Variants in SAMD12 observed in about 807,000 individuals in gnomAD.
The protein encoded by SAMD12 is sterile alpha motif domain containing 12, also known as sterile alpha motif domain-containing protein 12.
In SAMD12, 9 loss-of-function variants were observed where a neutral mutation model predicts 15.0. That is an observed-to-expected ratio of 0.60 (90% confidence interval 0.36 to 1.05). The LOEUF (loss-of-function observed/expected upper bound fraction) is 1.05. SAMD12 is among the 50% of genes least tolerant of loss of function. The probability of loss-of-function intolerance (pLI) is 0.01; values close to 1 mark genes in which losing one functional copy is unlikely to be tolerated. For synonymous variants in SAMD12, 86 were observed against 90.1 expected (o/e 0.96, Z 0.25); for missense variants, 230 against 234.2 (o/e 0.98, Z 0.12).
rs185262080 is a variant in SAMD12, at chr8:118,485,348, A to C, written c.193-45387T>G. On this transcript the variant is annotated intron_variant, in intron 2 of 3. Coordinates refer to ENST00000314727, the MANE Select transcript of SAMD12 (RefSeq NM_207506.3). ...ATACACTTTTCTCCTGCAAATGACA[A>C]AGGTGGAAGAGATGGGGGAAGGAGG... is the stretch of plus-strand genomic sequence containing the variant. 2.1e-3 allele frequency among the ~76,000 whole-genome samples: 326 copies of C among 152,310 alleles called. 4 individuals carry two copies. Among genetic ancestry groups the C allele is most frequent in the Admixed American group, 0.019 (287 of 15,298 alleles).
At chr8:118,492,122 C>CTTTTTTT (rs543720456) in intron 2 of SAMD12, among the ~76,000 whole-genome samples, 7 of 132,136 alleles carry the variant, frequency 5.3e-5, no homozygotes, top group Non-Finnish European at 8.2e-5. Flanking sequence ...CTGGTGTTGC[C>CTTTTTTT]TTTTTTTTTT....
At chr8:118,555,795 A>T (rs1351254633) in intron 2 of SAMD12, among the ~76,000 whole-genome samples, 3 of 152,246 alleles carry the variant, frequency 2.0e-5, no homozygotes, top group Admixed American at 6.5e-5. Context: ...AAACCATCAG[A>T]AAGTATTTAT....
chr8:118,489,770 G>C (rs190614686), intron 2 of SAMD12, among the ~76,000 whole-genome samples: 36 of 152,162 alleles, frequency 2.4e-4, no homozygotes, highest in African/African-American at 8.2e-4. Flanking sequence ...TGTTATAATG[G>C]CTTCTGTTTT....
intron 2 of SAMD12, among the ~76,000 whole-genome samples, chr8:118,550,480 A>T (rs1826291699): frequency 6.6e-6 from 1 of 152,236 alleles, no homozygotes; most frequent in Non-Finnish European, 1.5e-5. Flanking sequence ...GCAAATGCTG[A>T]GAGATTTTGT....
chr8:118,183,984 T>C, the SAMD12 span, among the ~76,000 whole-genome samples: 1 of 152,160 alleles, frequency 6.6e-6, no homozygotes, highest in Non-Finnish European at 1.5e-5. Flanking sequence ...GAAATGATAA[T>C]ATCCAACAGA....
intron 4 of SAMD12, among the ~76,000 whole-genome samples, chr8:118,301,247 A>T (rs1029173135): frequency 6.6e-6 from 1 of 152,240 alleles, no homozygotes; most frequent in African/African-American, 2.4e-5. Context: ...TGTAGTCAAC[A>T]TGGGGACCTA....
chr8:118,282,637 T>G (rs1156831840), intron 4 of SAMD12, among the ~76,000 whole-genome samples: 9 of 152,176 alleles, frequency 5.9e-5, no homozygotes, highest in Admixed American at 5.9e-4. Flanking sequence ...ACCTCAAATG[T>G]GATTGGAATT....
intron 2 of SAMD12, among the ~76,000 whole-genome samples, chr8:118,470,072 T>C (rs1038921670): frequency 6.6e-6 from 1 of 151,926 alleles, no homozygotes; most frequent in African/African-American, 2.4e-5. Flanking sequence ...AAACTACACA[T>C]GAATATTTCT....
intron 4 of SAMD12, among the ~76,000 whole-genome samples, chr8:118,355,933 G>T (rs190714779): frequency 3.3e-5 from 5 of 152,244 alleles, no homozygotes; most frequent in Admixed American, 6.5e-5. Context: ...TACCCTAAAT[G>T]ATCCCCTCTC....
chr8:118,365,315 T>C (rs1308346564), intron 4 of SAMD12, among the ~76,000 whole-genome samples: 1 of 152,164 alleles, frequency 6.6e-6, no homozygotes, highest in Non-Finnish European at 1.5e-5. Flanking sequence ...TGGTGGAACA[T>C]TATTTCTAGG....
chr8:118,589,653 G>A (rs1450883729), intron 1 of SAMD12, among the ~76,000 whole-genome samples: 1 of 152,290 alleles, frequency 6.6e-6, no homozygotes, highest in Middle Eastern at 3.4e-3. Flanking sequence ...TGATGCTTTA[G>A]ACAAGGGATT....
At chr8:118,586,232 T>A (rs942249846) in intron 1 of SAMD12, among the ~76,000 whole-genome samples, 1 of 152,194 alleles carries the variant, frequency 6.6e-6, no homozygotes, top group African/African-American at 2.4e-5. Context: ...TTTGCATAGA[T>A]AACTGCTTCA....
At chr8:118,371,654 T>C (rs1819102544) in intron 4 of SAMD12, among the ~76,000 whole-genome samples, 1 of 152,102 alleles carries the variant, frequency 6.6e-6, no homozygotes, top group African/African-American at 2.4e-5. Flanking sequence ...GATTCAGATA[T>C]TTTAAATTTG....
At chr8:118,620,474 A>G (rs1828367475) in intron 1 of SAMD12, among the ~76,000 whole-genome samples, 1 of 150,890 alleles carries the variant, frequency 6.6e-6, no homozygotes, top group African/African-American at 2.4e-5. Context: ...ACCTAGAAAA[A>G]TCTTGATTGT....
chr8:118,458,605 C>A (rs1327503553), intron 2 of SAMD12, among the ~76,000 whole-genome samples: 1 of 152,168 alleles, frequency 6.6e-6, no homozygotes, highest in African/African-American at 2.4e-5. Flanking sequence ...ATTCTCTGTT[C>A]CTCCATTACA....
chr8:118,581,507 G>C (rs1449911224), intron 1 of SAMD12, among the ~76,000 whole-genome samples: 1 of 152,082 alleles, frequency 6.6e-6, no homozygotes, highest in East Asian at 1.9e-4. Flanking sequence ...CTTCTACATG[G>C]CAAAGAAAAA....
Position 118,534,476 on chromosome 8 carries a change from T to C in SAMD12, c.192+46239A>G, listed in dbSNP as rs528401849. 1.2e-3 allele frequency among the ~76,000 whole-genome samples: 185 copies of C among 152,322 alleles called. 1 individual carries two copies. The highest frequency in any genetic ancestry group is 2.0e-3 in the Non-Finnish European group (135 of 68,024). ...GTGGTGTTCTCTGTGTTTCCTGAATTTGAATGTTGGCCTGCCTTGCTGGGT... is the reference window on the plus strand; with the variant it reads ...GTGGTGTTCTCTGTGTTTCCTGAATCTGAATGTTGGCCTGCCTTGCTGGGT... On this transcript the variant is annotated intron_variant, in intron 2 of 3. Transcript: ENST00000314727.
chr8:118,489,823 G>A (rs368826839), intron 2 of SAMD12, among the ~76,000 whole-genome samples: 1 of 152,040 alleles, frequency 6.6e-6, no homozygotes, highest in Non-Finnish European at 1.5e-5. Flanking sequence ...TTAATACACC[G>A]AAATGAAGTA....
intron 4 of SAMD12, among the ~76,000 whole-genome samples, chr8:118,314,204 A>G (rs561602568): frequency 6.6e-6 from 1 of 152,296 alleles, no homozygotes; most frequent in African/African-American, 2.4e-5. Flanking sequence ...AAATGGAAAT[A>G]CCATTTGTTA....
Sources: gnomAD v4.1 joint callset for allele counts (sites outside exome capture counted in the v4.1 genomes callset) on GRCh38, gnomAD v4.1.1 for gene constraint, MANE v1.5 for transcripts, NCBI Gene and HGNC (gene_info 2026-07-23, HGNC 2026-07-21) for gene names.